ABCA4: variants seen among roughly 807,000 people sequenced by gnomAD.
ABCA4 encodes retinal-specific phospholipid-transporting ATPase ABCA4.
In ABCA4, 196 loss-of-function variants were observed where a neutral mutation model predicts 263.7. The ratio of observed to expected loss-of-function variants is 0.74; its 90% CI spans 0.66 to 0.84. The LOEUF (loss-of-function observed/expected upper bound fraction) is 0.84, where lower values mean the gene tolerates loss of function less well. Among genes scored for constraint, ABCA4 ranks in the 40% least tolerant of loss-of-function variants. The pLI, the probability that ABCA4 is intolerant of heterozygous loss-of-function variation, is 0.00. For missense variants in ABCA4, 2,792 were observed against 2,855.1 expected (o/e 0.98, Z 0.50); for synonymous variants, 1,133 against 1,094.2 (o/e 1.04, Z -0.70).
rs3747962 is a variant in ABCA4, at chr1:94,037,577, G to A, written c.3608-227C>T. Among the ~76,000 whole-genome samples, 34 of 152,076 alleles carry A rather than the reference G, an allele frequency of 2.2e-4. 1 individual carries two copies. The highest frequency in any genetic ancestry group is 1.7e-3 in the East Asian group (9 of 5,162). On this transcript the variant is annotated intron_variant, in intron 24 of 49. Coordinates refer to ENST00000370225, the MANE Select transcript of ABCA4 (RefSeq NM_000350.3). ...AGGGAAACGGAAGCAAAGTCCTCCC[G>A]ACTAGCTAGCTGTGCAACCTGGGGG...
chr1:94,062,987 CTTA>C, intron 12 of ABCA4, 122 bp downstream of exon 12: 2 of 1,111,158 alleles, frequency 1.8e-6, no homozygotes, highest in Non-Finnish European at 2.7e-6. Flanking sequence ...TATAAAATAT[CTTA>C]TTTTTTCTTA....
rs1661751275 is a variant in ABCA4, at chr1:94,083,376, A to C, written c.834T>G (p.Ser278=). Reference sequence around the variant, plus strand: ...CCTCTTGAATTCTTGGTGACATATCAGATAATATTCCTCCCCAAGATCTCA... The same window carrying C: ...CCTCTTGAATTCTTGGTGACATATCCGATAATATTCCTCCCCAAGATCTCA... ...INLRSWGGIL[S]DMSPRIQEFI... Residue 278 remains serine (S), a synonymous_variant, in exon 7 of 50, where the codon TCT becomes TCG. Coordinates refer to ENST00000370225, the MANE Select transcript of ABCA4 (RefSeq NM_000350.3). The C allele has an allele frequency of 6.2e-7, 1 of 1,613,026 alleles. No individual in the cohort carries two copies. The highest frequency in any genetic ancestry group is 2.2e-5 in the East Asian group (1 of 44,868).
intron 25 of ABCA4, 67 bp from the exon 26 acceptor site, chr1:94,036,855 G>T: frequency 1.3e-6 from 2 of 1,508,722 alleles, no homozygotes; most frequent in East Asian, 2.3e-5. Flanking sequence ...TCTAACCCAA[G>T]CTCTGTTTTG....
chr1:94,047,278 C>T (rs1660712309), intron 18 of ABCA4, among the ~76,000 whole-genome samples, 185 bp from the exon 19 acceptor site: 2 of 152,196 alleles, frequency 1.3e-5, no homozygotes, highest in Admixed American at 1.3e-4. Flanking sequence ...TATACAGCAC[C>T]TCCTATATGC....
At chr1:94,019,116 T>C (rs1159352180) in intron 36 of ABCA4, among the ~76,000 whole-genome samples, 1 of 148,894 alleles carries the variant, frequency 6.7e-6, no homozygotes, top group Non-Finnish European at 1.5e-5. Context: ...TCATCTGAAA[T>C]TAAATTTAAC....
At chr1:94,041,843 C>T (rs545550916) in intron 22 of ABCA4, among the ~76,000 whole-genome samples, 63 of 152,238 alleles carry the variant, frequency 4.1e-4, no homozygotes, top group Non-Finnish European at 8.2e-4. Flanking sequence ...TGCCTGTAAT[C>T]CCAGCACTTT....
At chr1:94,052,631 A>C (rs976936073) in intron 16 of ABCA4, among the ~76,000 whole-genome samples, 16 of 152,234 alleles carry the variant, frequency 1.1e-4, no homozygotes, top group African/African-American at 3.9e-4. Flanking sequence ...CATCTATTAT[A>C]TCTGTTTCCA....
At chr1:94,010,190 G>A (rs1427272034) in intron 40 of ABCA4, among the ~76,000 whole-genome samples, 1 of 152,226 alleles carries the variant, frequency 6.6e-6, no homozygotes. Context: ...GGACAATAAA[G>A]GTAGGACTGG....
At chr1:94,077,634 G>C in intron 11 of ABCA4, 56 bp downstream of exon 11, 1 of 1,506,462 alleles carries the variant, frequency 6.6e-7, no homozygotes, top group South Asian at 1.3e-5. Flanking sequence ...GGGAGCTCTG[G>C]CCCCACTCAT....
chr1:94,035,880 G>A (rs1239877509), intron 26 of ABCA4, among the ~76,000 whole-genome samples: 3 of 152,210 alleles, frequency 2.0e-5, no homozygotes, highest in Admixed American at 2.0e-4. Flanking sequence ...TTTGATAAAA[G>A]TTCATGGAAG....
chr1:94,109,773 T>C (rs2101158617), intron 3 of ABCA4, among the ~76,000 whole-genome samples: 1 of 152,342 alleles, frequency 6.6e-6, no homozygotes. Flanking sequence ...GAATGTCTAG[T>C]ATCCAAATCA....
intron 38 of ABCA4, among the ~76,000 whole-genome samples, chr1:94,011,824 G>C (rs1330359263): frequency 1.3e-5 from 2 of 152,230 alleles, no homozygotes; most frequent in African/African-American, 4.8e-5. Context: ...GTGCAGAGAA[G>C]CTGCAGCCCT....
chr1:94,062,018 G>A (rs1260198299), intron 13 of ABCA4, among the ~76,000 whole-genome samples: 1 of 152,024 alleles, frequency 6.6e-6, no homozygotes, highest in Non-Finnish European at 1.5e-5. Flanking sequence ...CTGCTTGCTT[G>A]GCTTATTCCT....
At chr1:94,074,701 A>G (rs1438535245) in intron 11 of ABCA4, among the ~76,000 whole-genome samples, 1 of 152,252 alleles carries the variant, frequency 6.6e-6, no homozygotes, top group African/African-American at 2.4e-5. Flanking sequence ...GAGGCTGTTG[A>G]GAAATAGGAA....
At position 94,020,469 on chromosome 1, in the gene ABCA4, C is replaced by T. The variant is rs550045632; in HGVS notation, c.5019-710G>A. The stretch of plus-strand genomic sequence containing the variant: ...ACCTTGATAAAACTACAGATCATAT[C>T]ATCCATACACGTAGTAAGCTTAGAA... On this transcript the variant is annotated intron_variant, in intron 35 of 49. Coordinates refer to ENST00000370225, the MANE Select transcript of ABCA4 (RefSeq NM_000350.3). 2.0e-5 allele frequency among the ~76,000 whole-genome samples: 3 copies of T among 152,326 alleles called. No homozygotes were observed. In the East Asian group the frequency reaches 5.8e-4, roughly 29 times the overall value.
Position 94,029,513 on chromosome 1 carries a change from T to C in ABCA4, c.4471A>G (p.Ser1491Gly), listed in dbSNP as rs1157937249. 1.0e-5 allele frequency: 16 copies of C among 1,605,414 alleles called. No homozygotes were observed. Among genetic ancestry groups the C allele is most frequent in the Non-Finnish European group, 1.4e-5 (16 of 1,175,590 alleles). Residue 1491 changes from serine to glycine, a missense_variant, in exon 30 of 50, where the codon AGC (serine) becomes GGC (glycine). Coordinates refer to ENST00000370225, the MANE Select transcript of ABCA4 (RefSeq NM_000350.3). The part of the protein sequence containing the change: ...QVNPSPSCRC[S>G]TREKLTMLPE... ...AGCATGGTGAGCTTCTCCCTGGTGC[T>C]GCACCTGCAGGATGGTGAAGGGTTG...
intron 10 of ABCA4, 134 bp from the exon 11 acceptor site, chr1:94,078,021 G>T: frequency 1.2e-6 from 1 of 816,560 alleles, no homozygotes; most frequent in Non-Finnish European, 2.0e-6. Context: ...TGGTGAGCTT[G>T]TTCCACTATG....
At position 94,056,608 on chromosome 1, in the gene ABCA4, T is replaced by A; in HGVS notation, c.2375A>T (p.Lys792Met). 6.2e-7 allele frequency: 1 copy of A among 1,612,866 alleles called. No individual in the cohort carries two copies. Among genetic ancestry groups the A allele is most frequent in the Non-Finnish European group, 8.5e-7 (1 of 1,180,002 alleles). Residue 792 changes from lysine to methionine, a missense_variant, in exon 15 of 50, where the codon AAG becomes ATG. Coordinates refer to ENST00000370225, the MANE Select transcript of ABCA4 (RefSeq NM_000350.3). ...CCAGCCCAAGGGCCTCACCACAGCC[T>A]TCTTCAGCTCAGCGGTCATGCGGTC... Reference protein sequence around the residue: ...WQDRMTAELKKAVSLLSPVAF... With the variant: ...WQDRMTAELKMAVSLLSPVAF...
In ABCA4 at chr1:94,080,558, T is replaced by C; in HGVS notation, c.1019A>G (p.Tyr340Cys). 6.2e-7 allele frequency: 1 copy of C among 1,614,150 alleles called. No individual in the cohort carries two copies. The highest frequency in any genetic ancestry group is 1.1e-5 in the South Asian group (1 of 91,080). Residue 340 changes from tyrosine to cysteine, a missense_variant, in exon 8 of 50, where the codon TAT becomes TGT. By Grantham distance (194) the Tyr-to-Cys change is radical. Transcript: ENST00000370225. ...AAAGGCCTTATAGTTATTGTCTTCA[T>C]ACCAGTTGAAGGAGAGCACCCGAGA... ...GGSRVLSFNWYEDNNYKAFLG... is the reference protein window; with the variant it reads ...GGSRVLSFNWCEDNNYKAFLG...
Sources: allele counts gnomAD v4.1 joint callset (sites outside exome capture counted in the v4.1 genomes callset), GRCh38; gene constraint gnomAD v4.1.1; transcripts MANE v1.5; gene names NCBI Gene and HGNC (gene_info 2026-07-23, HGNC 2026-07-21).